CWF19L2: variants seen among roughly 807,000 people sequenced by gnomAD.
CWF19L2 encodes CWF19 like cell cycle control factor 2.
Under a neutral mutation model 111.7 loss-of-function variants are expected in CWF19L2, and 98 were observed. The observed-to-expected ratio is 0.88, with a 90% CI of 0.75 to 1.04. The LOEUF is 1.04. Ranked by LOEUF, CWF19L2 falls within the 50% of genes least tolerant of loss-of-function variation. The probability of loss-of-function intolerance (pLI) is 0.00; values close to 1 mark genes in which losing one functional copy is unlikely to be tolerated. For synonymous variants in CWF19L2, 351 were observed against 342.9 expected (o/e 1.02, Z -0.26); for missense variants, 1,101 against 1,051.4 (o/e 1.05, Z -0.65).
Position 107,380,858 on chromosome 11 carries a change from A to G in CWF19L2, c.1872+9216T>C, listed in dbSNP as rs79575697. 3.7e-3 allele frequency among the ~76,000 whole-genome samples: 563 copies of G among 152,370 alleles called. 2 individuals carry two copies. The highest frequency in any genetic ancestry group is 0.013 in the African/African-American group (526 of 41,590). On this transcript the variant is annotated intron_variant, in intron 12 of 17. Coordinates refer to ENST00000282251, the MANE Select transcript of CWF19L2 (RefSeq NM_152434.3). Reference sequence around the variant, plus strand: ...TGAATGGAGTTTTTAAATGTGTTATATACATATAATAGAGTTATTCAGCCT... The same window carrying G: ...TGAATGGAGTTTTTAAATGTGTTATGTACATATAATAGAGTTATTCAGCCT...
chr11:107,388,422 G>A (rs582646), intron 12 of CWF19L2, among the ~76,000 whole-genome samples: 78,614 of 151,508 alleles, frequency 0.52, 20,981 homozygotes, highest in African/African-American at 0.66. Context: ...TTGCTCTGTC[G>A]TCCAGGCTGG....
chr11:107,416,170 A>T (rs1861223967), intron 10 of CWF19L2, 39 bp downstream of exon 10: 1 of 622,842 alleles, frequency 1.6e-6, no homozygotes, highest in Non-Finnish European at 2.5e-6. Flanking sequence ...GTGGTAGTTT[A>T]CACAAGGTAA....
chr11:107,355,953 A>C (rs1355818439), intron 12 of CWF19L2, among the ~76,000 whole-genome samples: 1 of 152,366 alleles, frequency 6.6e-6, no homozygotes, highest in African/African-American at 2.4e-5. Flanking sequence ...TACATGGAAT[A>C]TCAACCAAGC....
At chr11:107,346,911 C>T (rs1384212510) in intron 14 of CWF19L2, among the ~76,000 whole-genome samples, 1 of 152,124 alleles carries the variant, frequency 6.6e-6, no homozygotes, top group Non-Finnish European at 1.5e-5. Flanking sequence ...AGAAAAAGAC[C>T]TAAAGGTACT....
chr11:107,355,680 A>G (rs956681479), intron 12 of CWF19L2, among the ~76,000 whole-genome samples: 10 of 152,220 alleles, frequency 6.6e-5, no homozygotes, highest in African/African-American at 2.4e-4. Flanking sequence ...AAAAATTTTA[A>G]GAGGACATAA....
At chr11:107,435,650 G>A (rs1861530654) in intron 6 of CWF19L2, among the ~76,000 whole-genome samples, 1 of 151,938 alleles carries the variant, frequency 6.6e-6, no homozygotes, top group South Asian at 2.1e-4. Context: ...ACCTTTAGTT[G>A]ATAATATGTT....
intron 10 of CWF19L2, chr11:107,403,462 G>A: frequency 1.2e-6 from 1 of 801,248 alleles, no homozygotes; most frequent in South Asian, 1.3e-5. Flanking sequence ...TTGTGCTGTT[G>A]CTCTCTGAGC....
chr11:107,339,613 A>T (rs1859975581), intron 14 of CWF19L2, among the ~76,000 whole-genome samples: 1 of 150,876 alleles, frequency 6.6e-6, no homozygotes, highest in Non-Finnish European at 1.5e-5. Flanking sequence ...CTTATTTGCC[A>T]TCTATTAATA....
At chr11:107,395,945 T>TA (rs34188193) in intron 10 of CWF19L2, among the ~76,000 whole-genome samples, 122,499 of 152,110 alleles carry the variant, frequency 0.81, 50,005 homozygotes, top group African/African-American at 0.94. Flanking sequence ...TAAATGTTAT[T>TA]ACAAGCTGGC....
chr11:107,408,305 ATACTC>A (rs1861109631), intron 10 of CWF19L2, among the ~76,000 whole-genome samples: 2 of 152,140 alleles, frequency 1.3e-5, no homozygotes, highest in South Asian at 4.1e-4. Context: ...TACATGAAAA[ATACTC>A]TAGGCAAAGA....
In CWF19L2 at chr11:107,428,933, T is replaced by C. The variant is rs776048715; in HGVS notation, c.1299A>G (p.Gln433=). ...DGRGDKKHSN[Q]KPSETSTDEH... is the part of the protein sequence containing the mutation. ...CATCAGTACTGGTTTCCGATGGCTTTTGATTTGAATGTTTCTTGTCTCCTC... is the reference window on the plus strand; with the variant it reads ...CATCAGTACTGGTTTCCGATGGCTTCTGATTTGAATGTTTCTTGTCTCCTC... Residue 433 remains glutamine, a synonymous_variant, in exon 8 of 18, where the codon CAA becomes CAG. Coordinates refer to ENST00000282251, the MANE Select transcript of CWF19L2 (RefSeq NM_152434.3). 5.3e-5 allele frequency: 85 copies of C among 1,613,712 alleles called. No individual in the cohort carries two copies. Among genetic ancestry groups the C allele is most frequent in the Non-Finnish European group, 7.1e-5 (84 of 1,179,802 alleles).
At chr11:107,379,990 T>C (rs1860657474) in intron 12 of CWF19L2, among the ~76,000 whole-genome samples, 1 of 126,938 alleles carries the variant, frequency 7.9e-6, no homozygotes, top group Non-Finnish European at 1.5e-5. Flanking sequence ...GAGCTTGCAG[T>C]GAGCTGAGAT....
At chr11:107,454,025 C>T (rs1006011563) in intron 3 of CWF19L2, among the ~76,000 whole-genome samples, 9 of 152,288 alleles carry the variant, frequency 5.9e-5, no homozygotes, top group East Asian at 1.9e-4. Context: ...AGGTTTTTGA[C>T]GCCAGTACCT....
chr11:107,394,180 C>T (rs893333605), intron 10 of CWF19L2, among the ~76,000 whole-genome samples: 1 of 151,960 alleles, frequency 6.6e-6, no homozygotes, highest in Non-Finnish European at 1.5e-5. Context: ...ATGTTAGTTC[C>T]CCTGCTGAAA....
At chr11:107,368,918 A>G (rs1860470985) in intron 12 of CWF19L2, among the ~76,000 whole-genome samples, 1 of 137,802 alleles carries the variant, frequency 7.3e-6, no homozygotes, top group South Asian at 2.4e-4. Flanking sequence ...ATGTAAAAGG[A>G]GACATTACAA....
chr11:107,376,248 T>TC (rs1355150271), intron 12 of CWF19L2, among the ~76,000 whole-genome samples: 6 of 102,478 alleles, frequency 5.9e-5, no homozygotes, highest in Non-Finnish European at 9.6e-5. Context: ...GAGGGAATCC[T>TC]CCCTAACTCA....
In CWF19L2 at chr11:107,402,873, G is replaced by GTGTATATATATATATA. The variant is rs1247886311; in HGVS notation, c.1618-9979_1618-9978insTATATATATATATACA. On this transcript the variant is annotated intron_variant, in intron 10 of 17. Coordinates refer to ENST00000282251, the MANE Select transcript of CWF19L2 (RefSeq NM_152434.3). Reference sequence around the variant, plus strand: ...CGAGTGGATAAACAAACTGTGGTGTGTATATATATATATATATATATATAT... The same window carrying GTGTATATATATATATA: ...CGAGTGGATAAACAAACTGTGGTGTGTGTATATATATATATATATATATATATATATATATATATAT... Among the ~76,000 whole-genome samples the GTGTATATATATATATA allele has an allele frequency of 2.1e-5, 2 of 94,464 alleles. 1 individual carries two copies. Among genetic ancestry groups the GTGTATATATATATATA allele is most frequent in the African/African-American group, 9.7e-5 (2 of 20,716 alleles). The allele number at this position is 94,464 out of a possible 152,430, so 62.0% of individuals were successfully genotyped here. A position where few individuals can be genotyped will look rare whatever the true frequency, so the allele number is the denominator to read the frequency against.
At chr11:107,393,002 T>G (rs565848200) in intron 10 of CWF19L2, 107 bp from the exon 11 acceptor site, 1 of 671,194 alleles carries the variant, frequency 1.5e-6, no homozygotes, top group South Asian at 2.0e-5. Context: ...CCACATAACG[T>G]TGTGGATTGC....
chr11:107,448,543 G>C (rs1238368502), intron 3 of CWF19L2, among the ~76,000 whole-genome samples: 3 of 151,952 alleles, frequency 2.0e-5, no homozygotes, highest in African/African-American at 7.3e-5. Flanking sequence ...AAAAAAGCCT[G>C]AAAGTTTCAT....
Sources: gnomAD v4.1 joint callset for allele counts (sites outside exome capture counted in the v4.1 genomes callset) on GRCh38, gnomAD v4.1.1 for gene constraint, MANE v1.5 for transcripts, NCBI Gene and HGNC (gene_info 2026-07-23, HGNC 2026-07-21) for gene names.